Variants in GRIK3 observed in about 807,000 individuals in gnomAD.
GRIK3 encodes glutamate receptor ionotropic, kainate 3.
Under a neutral mutation model 102.5 loss-of-function variants are expected in GRIK3, and 29 were observed. That is an observed-to-expected ratio of 0.28 (90% CI 0.21 to 0.39). The LOEUF (loss-of-function observed/expected upper bound fraction) is 0.39, where lower values mean the gene tolerates loss of function less well. GRIK3 is among the 10% of genes least tolerant of loss of function. The pLI, the probability that GRIK3 is intolerant of heterozygous loss-of-function variation, is 1.00. For missense variants in GRIK3, 908 were observed against 1,252.4 expected, an observed-to-expected ratio of 0.73 and a Z score of 4.15; for synonymous variants, 511 against 504.9, an observed-to-expected ratio of 1.01 and a Z score of -0.16.
At chr1:36,962,305 C>T (rs950717267) in intron 1 of GRIK3, among the ~76,000 whole-genome samples, 3 of 152,128 alleles carry the variant, frequency 2.0e-5, no homozygotes, top group Non-Finnish European at 4.4e-5. Context: ...AGGCTTAATA[C>T]ATCCTCACTG....
intron 1 of GRIK3, among the ~76,000 whole-genome samples, chr1:36,948,305 G>T (rs1641806531): frequency 6.6e-6 from 1 of 152,238 alleles, no homozygotes; most frequent in Non-Finnish European, 1.5e-5. Context: ...TTTCTACTGT[G>T]TGCCAGATCC....
At chr1:36,922,422 T>TG (rs1050478785) in intron 1 of GRIK3, among the ~76,000 whole-genome samples, 1 of 152,158 alleles carries the variant, frequency 6.6e-6, no homozygotes, top group African/African-American at 2.4e-5. Context: ...ACTCCCTCCC[T>TG]GGGGAACCCC....
intron 1 of GRIK3, among the ~76,000 whole-genome samples, chr1:36,996,432 C>T (rs1260664544): frequency 6.6e-6 from 1 of 152,162 alleles, no homozygotes. Context: ...CCACTCTGGT[C>T]AGGACAAATG....
At chr1:36,835,549 T>TG (rs1444903332) in intron 10 of GRIK3, among the ~76,000 whole-genome samples, 1 of 152,210 alleles carries the variant, frequency 6.6e-6, no homozygotes, top group Non-Finnish European at 1.5e-5. Context: ...CCCTTGCCCT[T>TG]GGCACTCATT....
chr1:36,962,994 GA>G (rs1388450760), intron 1 of GRIK3, among the ~76,000 whole-genome samples: 3 of 152,078 alleles, frequency 2.0e-5, no homozygotes, highest in Non-Finnish European at 4.4e-5. Flanking sequence ...CAATGCAAAG[GA>G]CAGAAAGGGT....
intron 1 of GRIK3, among the ~76,000 whole-genome samples, chr1:37,020,971 A>C: frequency 6.6e-6 from 1 of 152,294 alleles, no homozygotes; most frequent in East Asian, 1.9e-4. Flanking sequence ...ACACATATGA[A>C]TACAATTTGT....
chr1:36,961,412 A>G (rs1276735159), intron 1 of GRIK3, among the ~76,000 whole-genome samples: 3 of 151,386 alleles, frequency 2.0e-5, no homozygotes, highest in African/African-American at 7.3e-5. Context: ...AAAAAAAAGC[A>G]GAAGAGAGAG....
chr1:36,871,298 C>T (rs529090641), intron 4 of GRIK3, among the ~76,000 whole-genome samples: 1 of 152,298 alleles, frequency 6.6e-6, no homozygotes, highest in Non-Finnish European at 1.5e-5. Context: ...TCAGGCCTGG[C>T]ACCCCCGATG....
Position 36,872,184 on chromosome 1 carries a change from G to A in GRIK3, c.732+4C>T, listed in dbSNP as rs201330764. 43 of 1,581,590 alleles carry A rather than the reference G, an allele frequency of 2.7e-5. No individual in the cohort carries two copies. Among genetic ancestry groups the A allele is most frequent in the South Asian group, 4.6e-5 (4 of 86,070 alleles). On this transcript the variant is annotated splice_donor_region_variant and intron_variant, in intron 4 of 15. Coordinates refer to ENST00000373091, the MANE Select transcript of GRIK3 (RefSeq NM_000831.4). The surrounding 1 kb of genome is among the most constrained non-coding windows in gnomAD (Gnocchi z 5.9). ...ATCTGTCCCGGTGGCCAGCACTCACGCACCTGCTTGAGGATCTGGGCCGCC... is the reference window on the plus strand; with the variant it reads ...ATCTGTCCCGGTGGCCAGCACTCACACACCTGCTTGAGGATCTGGGCCGCC...
intron 1 of GRIK3, among the ~76,000 whole-genome samples, chr1:37,030,331 A>C (rs1569587401): frequency 6.6e-6 from 1 of 152,198 alleles, no homozygotes; most frequent in East Asian, 1.9e-4. Context: ...ATGAATGTTT[A>C]GGATAATTTG....
chr1:36,960,892 G>GCAATCTAGCCTAGGACAA (rs1291614548), intron 1 of GRIK3, among the ~76,000 whole-genome samples: 6 of 152,206 alleles, frequency 3.9e-5, no homozygotes, highest in Admixed American at 6.5e-5. Flanking sequence ...GAGATGGGGT[G>GCAATCTAGCCTAGGACAA]GGAGACAAAG....
chr1:36,974,786 C>A (rs1202404713), intron 1 of GRIK3, among the ~76,000 whole-genome samples: 33 of 130,694 alleles, frequency 2.5e-4, no homozygotes, highest in African/African-American at 1.0e-3. Flanking sequence ...GGTGACAGAG[C>A]GAGACTCTGT....
intron 1 of GRIK3, among the ~76,000 whole-genome samples, chr1:37,017,248 G>A (rs2102087): frequency 0.32 from 47,383 of 148,888 alleles, 8,086 homozygotes; most frequent in East Asian, 0.54. Context: ...AAGGTGTTGA[G>A]CTAGGCTGGG....
At chr1:36,931,459 C>T (rs1354319946) in intron 1 of GRIK3, among the ~76,000 whole-genome samples, 1 of 152,180 alleles carries the variant, frequency 6.6e-6, no homozygotes, top group South Asian at 2.1e-4. Context: ...TGTTTCCCTC[C>T]TCATCCTTAA....
rs778394531 is a variant in GRIK3, at chr1:36,936,998, G to A, written c.116-45902C>T. 3.9e-5 allele frequency among the ~76,000 whole-genome samples: 6 copies of A among 152,296 alleles called. No individual in the cohort carries two copies. The East Asian group carries it at 5.8e-4, about 15-fold the overall frequency. On this transcript the variant is annotated intron_variant, in intron 1 of 15. Transcript: ENST00000373091. The stretch of plus-strand genomic sequence containing the variant: ...ACCCACAGAGTGAATGATCACAGCC[G>A]GGTGGTCAATGGACACGCAGTGGAG...
At chr1:36,934,996 T>C (rs2124317494) in intron 1 of GRIK3, among the ~76,000 whole-genome samples, 1 of 152,344 alleles carries the variant, frequency 6.6e-6, no homozygotes, top group Admixed American at 6.5e-5. Flanking sequence ...TTTAGCTCTT[T>C]CTTAGTTCTT....
intron 1 of GRIK3, among the ~76,000 whole-genome samples, chr1:37,020,335 A>C (rs1642696109): frequency 6.6e-6 from 1 of 152,228 alleles, no homozygotes; most frequent in South Asian, 2.1e-4. Context: ...TGAATGAGGA[A>C]TAATTTTATT....
chr1:37,032,217 G>C (rs74721966), intron 1 of GRIK3, among the ~76,000 whole-genome samples: 1 of 152,120 alleles, frequency 6.6e-6, no homozygotes, highest in African/African-American at 2.4e-5. Context: ...ATCATCCTGC[G>C]CCTTCCCAGC....
intron 1 of GRIK3, among the ~76,000 whole-genome samples, chr1:36,998,986 GTGTGTGTGTGTGTGTGTGTGTA>G (rs1393129180): frequency 1.6e-5 from 2 of 122,436 alleles, no homozygotes; most frequent in South Asian, 5.3e-4. Context: ...GGAAGTGTGT[GTGTGTGTGTGTGTGTGTGTGTA>G]TGTGTGTGTG....
Sources: gnomAD v4.1 joint callset for allele counts (sites outside exome capture counted in the v4.1 genomes callset) on GRCh38, gnomAD v4.1.1 for gene constraint, Gnocchi (gnomAD v3.1) non-coding constraint, MANE v1.5 for transcripts, NCBI Gene and HGNC (gene_info 2026-07-23, HGNC 2026-07-21) for gene names.